IFT122: variants seen among roughly 807,000 people sequenced by gnomAD.
The protein encoded by IFT122 is intraflagellar transport protein 122 homolog.
IFT122 carries 118 observed loss-of-function variants against 161.6 expected under a neutral mutation model. That is an observed-to-expected ratio of 0.73 (90% confidence interval 0.63 to 0.85). IFT122 has a LOEUF of 0.85. IFT122 is among the 40% of genes least tolerant of loss of function. IFT122 has a pLI of 0.00. For synonymous variants in IFT122, 550 were observed against 602.4 expected (o/e 0.91, Z 1.27); for missense variants, 1,381 against 1,579.6 (o/e 0.87, Z 2.13).
At chr3:129,459,685 CTT>C (rs2075990856) in intron 4 of IFT122, among the ~76,000 whole-genome samples, 2 of 5,200 alleles carry the variant, frequency 3.8e-4, no homozygotes, top group African/African-American at 1.6e-3. Flanking sequence ...TCCCTCCCTT[CTT>C]CCTTCCTTCC....
intron 20 of IFT122, among the ~76,000 whole-genome samples, chr3:129,503,382 T>A (rs764906962): frequency 2.0e-5 from 3 of 152,012 alleles, no homozygotes; most frequent in Non-Finnish European, 4.4e-5. Context: ...AACCACTACT[T>A]CTCTCTGGTG....
chr3:129,509,894 A>G (rs985720693), intron 23 of IFT122, among the ~76,000 whole-genome samples: 1 of 152,198 alleles, frequency 6.6e-6, no homozygotes, highest in Non-Finnish European at 1.5e-5. Flanking sequence ...TTCTCTATAA[A>G]ATAGGGATAA....
At chr3:129,454,513 T>TGTGTG (rs2075223743) in intron 3 of IFT122, among the ~76,000 whole-genome samples, 3 of 131,222 alleles carry the variant, frequency 2.3e-5, no homozygotes, top group African/African-American at 9.1e-5. Context: ...GTAGTCATAT[T>TGTGTG]TGTGTGTGTG....
Position 129,440,595 on chromosome 3 carries a change from C to T in IFT122, c.41+224C>T, listed in dbSNP as rs1271425706. On this transcript the variant is annotated intron_variant, in intron 1 of 29. Coordinates refer to ENST00000348417, the MANE Select transcript of IFT122 (RefSeq NM_052989.3). Reference sequence around the variant, plus strand: ...GGAGGTGCCGCGCCTGAGGTGGTGGCGGGTGGAGGCGGCTCTTCCCTCACG... The same window carrying T: ...GGAGGTGCCGCGCCTGAGGTGGTGGTGGGTGGAGGCGGCTCTTCCCTCACG... Among the ~76,000 whole-genome samples, 3 of 152,128 alleles carry T rather than the reference C, an allele frequency of 2.0e-5. No homozygotes were observed. The South Asian group carries it at 6.2e-4, about 31-fold the overall frequency.
chr3:129,504,921 A>G (rs1443191719), intron 21 of IFT122, among the ~76,000 whole-genome samples: 1 of 150,606 alleles, frequency 6.6e-6, no homozygotes, highest in Non-Finnish European at 1.5e-5. Context: ...TCTACTGAGA[A>G]TAGAAACTCA....
At chr3:129,510,291 C>G (rs999408817) in intron 23 of IFT122, among the ~76,000 whole-genome samples, 1 of 152,198 alleles carries the variant, frequency 6.6e-6, no homozygotes. Context: ...TCCCTCTAAT[C>G]TGTGCTGACT....
At chr3:129,492,806 CTTTTTTTTTCT>C (rs1419366778) in intron 17 of IFT122, among the ~76,000 whole-genome samples, 6 of 139,790 alleles carry the variant, frequency 4.3e-5, no homozygotes, top group Non-Finnish European at 9.2e-5. Context: ...CAACACTATG[CTTTTTTTTTCT>C]TTTTTTTTTT....
In IFT122 at chr3:129,502,803, A is replaced by G. The variant is rs554677020; in HGVS notation, c.2468A>G (p.Tyr823Cys). The G allele has an allele frequency of 2.0e-5, 33 of 1,613,304 alleles. No individual in the cohort carries two copies. The East Asian group carries it at 4.2e-4, about 21-fold the overall frequency. ...TYLKKLDSPG[Y>C]AAETYLKMGD... Reference sequence around the variant, plus strand: ...CTCAAGAAGCTGGACAGCCCTGGCTATGCTGCTGAGACCTACCTGAAGATG... The same window carrying G: ...CTCAAGAAGCTGGACAGCCCTGGCTGTGCTGCTGAGACCTACCTGAAGATG... The change falls in exon 20 of 30, where the codon TAT becomes TGT. Residue 823 changes from tyrosine (Y) to cysteine (C), a missense_variant. By Grantham distance (194) the Tyr-to-Cys change is radical (BLOSUM62 -2). Around this residue, in one of 7 missense-constraint regions of IFT122, gnomAD observed 496 missense variants for 502.5 expected, o/e 0.99. Coordinates refer to ENST00000348417, the MANE Select transcript of IFT122 (RefSeq NM_052989.3).
chr3:129,474,477 C>T (rs1187560407), intron 9 of IFT122, among the ~76,000 whole-genome samples: 1 of 152,128 alleles, frequency 6.6e-6, no homozygotes, highest in Non-Finnish European at 1.5e-5. Context: ...AACCCTGTGT[C>T]TACAGACAAC....
chr3:129,446,007 G>A (rs1231418091), intron 1 of IFT122, among the ~76,000 whole-genome samples: 4 of 152,148 alleles, frequency 2.6e-5, no homozygotes, highest in Non-Finnish European at 5.9e-5. Context: ...TTTAACCTGA[G>A]AGACTGTTTC....
Position 129,483,698 on chromosome 3 carries a change from T to C in IFT122, c.1851+16T>C, listed in dbSNP as rs766527872. On this transcript the variant is annotated intron_variant, in intron 15 of 29. Transcript: ENST00000348417. ...GGTGCCGCAGGTAACTGGGGGTGCC[T>C]GTCCACTCTTAGCACTGGCAAGGCT... The C allele has an allele frequency of 6.4e-6, 10 of 1,572,944 alleles. No individual in the cohort carries two copies. The highest frequency in any genetic ancestry group is 1.2e-5 in the South Asian group (1 of 86,292).
Position 129,440,334 on chromosome 3 carries a change from A to G in IFT122, c.4A>G (p.Arg2Gly). The change falls in exon 1 of 30, where the codon AGG becomes GGG. Residue 2 changes from arginine to glycine, a missense_variant. Physicochemically the swap from Arg to Gly is moderately radical, Grantham distance 125. This residue lies in a region of IFT122 where 134 missense variants were observed against 137.4 expected (regional missense o/e 0.98). Coordinates refer to ENST00000348417, the MANE Select transcript of IFT122 (RefSeq NM_052989.3). ...CCGAGCCGTAAGGGAAGCCGTGATGAGGGCCGTGTTGACGTGGAGAGATAA... is the reference window on the plus strand; with the variant it reads ...CCGAGCCGTAAGGGAAGCCGTGATGGGGGCCGTGTTGACGTGGAGAGATAA... M[R>G]AVLTWRDKAE... 6.4e-7 allele frequency: 1 copy of G among 1,550,924 alleles called. No individual in the cohort carries two copies. Among genetic ancestry groups the G allele is most frequent in the Non-Finnish European group, 8.7e-7 (1 of 1,146,844 alleles).
intron 16 of IFT122, among the ~76,000 whole-genome samples, chr3:129,490,531 A>G (rs1331087274): frequency 6.6e-6 from 1 of 152,186 alleles, no homozygotes; most frequent in Non-Finnish European, 1.5e-5. Context: ...AGGAACTCGG[A>G]AACAGATTTA....
intron 16 of IFT122, among the ~76,000 whole-genome samples, chr3:129,489,175 G>A (rs553816733): frequency 4.3e-4 from 65 of 152,242 alleles, no homozygotes; most frequent in African/African-American, 1.5e-3. Flanking sequence ...TGAAGGAGTG[G>A]CAAAGAGGGA....
intron 1 of IFT122, among the ~76,000 whole-genome samples, chr3:129,446,407 G>A (rs1359514703): frequency 6.6e-6 from 1 of 151,864 alleles, no homozygotes; most frequent in African/African-American, 2.4e-5. Flanking sequence ...TGTAGAGACG[G>A]GGTTTCACCG....
intron 26 of IFT122, among the ~76,000 whole-genome samples, chr3:129,516,330 CAGAG>C (rs1200271740): frequency 7.1e-6 from 1 of 140,810 alleles, no homozygotes; most frequent in African/African-American, 2.8e-5. Flanking sequence ...TGCACACACA[CAGAG>C]ACTGCCCCTG....
intron 1 of IFT122, among the ~76,000 whole-genome samples, chr3:129,446,721 C>A (rs1180062329): frequency 6.6e-6 from 1 of 152,160 alleles, no homozygotes; most frequent in Non-Finnish European, 1.5e-5. Context: ...TTCTCAGGAC[C>A]ACCTGAGGGC....
At chr3:129,492,961 G>A (rs2080333219) in intron 17 of IFT122, among the ~76,000 whole-genome samples, 1 of 151,800 alleles carries the variant, frequency 6.6e-6, no homozygotes, top group Admixed American at 6.6e-5. Context: ...GGGACCACAT[G>A]CATGTGCCAC....
At chr3:129,460,830 T>A in intron 4 of IFT122, 1 of 1,592,728 alleles carries the variant, frequency 6.3e-7, no homozygotes, top group Non-Finnish European at 8.6e-7. Context: ...TTCATTGTTG[T>A]CTAAGGATTT....
Sources: gnomAD v4.1 joint callset for allele counts (sites outside exome capture counted in the v4.1 genomes callset) on GRCh38, gnomAD v4.1.1 for gene constraint, gnomAD v4.1.1 regional missense constraint, MANE v1.5 for transcripts, NCBI Gene and HGNC (gene_info 2026-07-23, HGNC 2026-07-21) for gene names.